ATP2B2: variants seen among roughly 807,000 people sequenced by gnomAD.
ATP2B2 encodes ATPase plasma membrane Ca2+ transporting 2.
A neutral mutation model predicts 120.0 loss-of-function variants in ATP2B2; 15 were observed. The observed-to-expected ratio is 0.12, with a 90% CI of 0.08 to 0.19. The LOEUF is 0.19. ATP2B2 is among the 10% of genes least tolerant of loss of function. The probability of loss-of-function intolerance (pLI) is 1.00; values close to 1 mark genes in which losing one functional copy is unlikely to be tolerated. For synonymous variants in ATP2B2, 694 were observed against 700.3 expected, an observed-to-expected ratio of 0.99 and a Z score of 0.14; for missense variants, 1,045 against 1,719.8, an observed-to-expected ratio of 0.61 and a Z score of 6.94.
rs189395826 is a variant in ATP2B2, at chr3:10,528,029, C to T, written c.-320+6010G>A. On this transcript the variant is annotated intron_variant, in intron 3 of 21. Coordinates refer to the ATP2B2 transcript ENST00000646379. ...GGGCTGGCCTTCACAGTGCGGTAATCGGCAAAACAGTGGTCTCTGTCAAAA... is the reference window on the plus strand; with the variant it reads ...GGGCTGGCCTTCACAGTGCGGTAATTGGCAAAACAGTGGTCTCTGTCAAAA... Among the ~76,000 whole-genome samples the T allele has an allele frequency of 2.3e-3, 349 of 152,244 alleles. 1 individual carries two copies. The highest frequency in any genetic ancestry group is 7.9e-3 in the South Asian group (38 of 4,814).
At chr3:10,592,330 T>A (rs1354607321) in intron 2 of ATP2B2, among the ~76,000 whole-genome samples, 2 of 152,258 alleles carry the variant, frequency 1.3e-5, no homozygotes, top group African/African-American at 4.8e-5. Flanking sequence ...AAATTATGTA[T>A]AATTATAAGT....
intron 3 of ATP2B2, among the ~76,000 whole-genome samples, chr3:10,408,293 G>A (rs972040529): frequency 3.9e-5 from 6 of 152,204 alleles, no homozygotes; most frequent in Non-Finnish European, 1.5e-5. Context: ...AACTGTCCCT[G>A]TCAACTTCCC....
rs751122 is a variant in ATP2B2 at position 10,378,403 on chromosome 3, T to C, written c.1050A>G (p.Gln350=). The change falls in exon 10 of 23, where the codon CAA becomes CAG. Residue 350 remains glutamine (Q), a synonymous_variant. Transcript: ENST00000360273. Reference sequence around the variant, plus strand: ...TCTCCATGGCGGCTGCCCCGTCCTGTTGTTTGGCTGCAGGGGGCAGATCAC... The same window carrying C: ...TCTCCATGGCGGCTGCCCCGTCCTGCTGTTTGGCTGCAGGGGGCAGATCAC... The part of the protein sequence containing the change: ...NVDASQSKAK[Q]QDGAAAMEMQ... The C allele has an allele frequency of 0.37, 593,924 of 1,601,040 alleles. 114,808 individuals carry two copies. The highest frequency in any genetic ancestry group is 0.64 in the East Asian group (28,729 of 44,866).
chr3:10,329,253 T>C lies in ATP2B2; in HGVS notation c.3421-128A>G. 1.1e-6 allele frequency: 1 copy of C among 923,414 alleles called. No homozygotes were observed. The highest frequency in any genetic ancestry group is 1.7e-6 in the Non-Finnish European group (1 of 574,540). The allele number at this position is 923,414 out of a possible 1,614,324, so 57.2% of individuals were successfully genotyped here. A position where few individuals can be genotyped will look rare whatever the true frequency, so the allele number is the denominator to read the frequency against. ...GTGGCTGGAATCCATAGTCGCTGGG[T>C]GTTATTAGCATTGACAGGATGGGGG... is the stretch of plus-strand genomic sequence containing the variant. On this transcript the variant is annotated intron_variant, in intron 22 of 22. Transcript: ENST00000360273. The surrounding 1 kb of genome is among the most constrained non-coding windows in gnomAD (Gnocchi z 5.9).
chr3:10,593,735 A>G (rs1244561794), intron 2 of ATP2B2, among the ~76,000 whole-genome samples: 26 of 152,156 alleles, frequency 1.7e-4, no homozygotes, highest in Admixed American at 1.6e-3. Context: ...AAACTAAAGA[A>G]CTTCTGCACA....
At chr3:10,603,911 A>G (rs1193119600) in intron 2 of ATP2B2, among the ~76,000 whole-genome samples, 1 of 152,200 alleles carries the variant, frequency 6.6e-6, no homozygotes, top group East Asian at 1.9e-4. Context: ...AGACCCAGTC[A>G]GGGTGGAGGT....
chr3:10,616,916 C>G (rs2069404608), intron 2 of ATP2B2, among the ~76,000 whole-genome samples: 1 of 152,178 alleles, frequency 6.6e-6, no homozygotes, highest in Admixed American at 6.5e-5. Flanking sequence ...CTGTTTTTGT[C>G]TACCTATTTA....
chr3:10,360,301 T>C (rs2060860715), intron 12 of ATP2B2, among the ~76,000 whole-genome samples, 178 bp from the exon 13 acceptor site: 1 of 152,204 alleles, frequency 6.6e-6, no homozygotes, highest in African/African-American at 2.4e-5. Flanking sequence ...CCAGGTCCAG[T>C]CCTGACTCCG....
chr3:10,597,166 C>T (rs1456072096), intron 2 of ATP2B2, among the ~76,000 whole-genome samples: 6 of 151,058 alleles, frequency 4.0e-5, no homozygotes, highest in South Asian at 2.1e-4. Context: ...CACACAGGCA[C>T]GCACACAGGC....
At chr3:10,506,801 TCCCCTGCCCCCA>T (rs1488245491), upstream of ATP2B2, among the ~76,000 whole-genome samples, 3 of 152,162 alleles carry the variant, frequency 2.0e-5, no homozygotes, top group Admixed American at 1.3e-4. Flanking sequence ...GCTGCCTCTT[TCCCCTGCCCCCA>T]CCTCCTGCCC....
At chr3:10,550,655 C>T (rs1433884929) in intron 2 of ATP2B2, among the ~76,000 whole-genome samples, 2 of 152,162 alleles carry the variant, frequency 1.3e-5, no homozygotes, top group Non-Finnish European at 2.9e-5. Context: ...CACGGGAACC[C>T]TGTCAAGTCT....
At chr3:10,620,906 G>A (rs766498948) in intron 1 of ATP2B2, among the ~76,000 whole-genome samples, 1 of 152,122 alleles carries the variant, frequency 6.6e-6, no homozygotes, top group Admixed American at 6.5e-5. Flanking sequence ...GCAGGTATCC[G>A]GCACAGTAGC....
chr3:10,538,375 A>G (rs56190793), intron 2 of ATP2B2, among the ~76,000 whole-genome samples: 6,787 of 152,308 alleles, frequency 0.045, 195 homozygotes, highest in East Asian at 0.13. Flanking sequence ...AATTCATTTT[A>G]TGAGGCCAGC....
intron 1 of ATP2B2, among the ~76,000 whole-genome samples, chr3:10,650,465 C>G (rs1313430120): frequency 1.3e-5 from 2 of 152,100 alleles, no homozygotes; most frequent in African/African-American, 2.4e-5. Context: ...AAACAGAGGA[C>G]AAAAGTTTGG....
chr3:10,541,229 A>G (rs1442921256), intron 2 of ATP2B2, among the ~76,000 whole-genome samples: 1 of 151,914 alleles, frequency 6.6e-6, no homozygotes, highest in Non-Finnish European at 1.5e-5. Flanking sequence ...TCTGTGTTTC[A>G]TTGGTTTTCT....
intron 18 of ATP2B2, 42 bp downstream of exon 18, chr3:10,345,342 C>A (rs1214205220): frequency 6.2e-7 from 1 of 1,609,322 alleles, no homozygotes; most frequent in Non-Finnish European, 8.5e-7. Context: ...TGGGGGGTCT[C>A]CGCCCTCCCC....
intron 1 of ATP2B2, among the ~76,000 whole-genome samples, chr3:10,705,721 C>T (rs944754199): frequency 2.6e-5 from 4 of 152,180 alleles, no homozygotes; most frequent in East Asian, 1.9e-4. Context: ...ACCCCAAAAG[C>T]GCTTCGTACA....
At chr3:10,534,639 G>A (rs190191350) in intron 2 of ATP2B2, among the ~76,000 whole-genome samples, 1 of 152,310 alleles carries the variant, frequency 6.6e-6, no homozygotes, top group African/African-American at 2.4e-5. Context: ...TCACAGGTGT[G>A]TGCCCTGGAG....
At chr3:10,345,268 G>A (rs76054755) in intron 18 of ATP2B2, 116 bp downstream of exon 18, 9 of 1,208,658 alleles carry the variant, frequency 7.4e-6, no homozygotes, top group East Asian at 5.0e-5. Flanking sequence ...CCATCGATGG[G>A]TGCCTCATCC....
Sources: allele counts gnomAD v4.1 joint callset (sites outside exome capture counted in the v4.1 genomes callset), GRCh38; gene constraint gnomAD v4.1.1; non-coding constraint Gnocchi (gnomAD v3.1); transcripts MANE v1.5; gene names NCBI Gene and HGNC (gene_info 2026-07-23, HGNC 2026-07-21).